The following CSMD3 variants were observed in gnomAD, a reference collection of about 807,000 sequenced individuals.
CSMD3 encodes CUB and Sushi multiple domains 3, also known as CUB and sushi domain-containing protein 3.
CSMD3 carries 177 observed loss-of-function variants against 435.2 expected under a neutral mutation model. The ratio of observed to expected loss-of-function variants is 0.41; its 90% CI spans 0.36 to 0.46. CSMD3 has a LOEUF of 0.46. CSMD3 is among the 20% of genes least tolerant of loss of function. The pLI is 0.34. For missense variants in CSMD3, 4,265 were observed against 4,504.6 expected (o/e 0.95, Z 1.52); for synonymous variants, 1,656 against 1,520.5 (o/e 1.09, Z -2.07).
At chr8:112,330,220 G>C (rs1823902036) in intron 45 of CSMD3, among the ~76,000 whole-genome samples, 1 of 152,022 alleles carries the variant, frequency 6.6e-6, no homozygotes, top group African/African-American at 2.4e-5. Flanking sequence ...TGTAAAAGTA[G>C]CATAACCGTA....
intron 13 of CSMD3, among the ~76,000 whole-genome samples, chr8:112,723,207 T>C (rs2076897779): frequency 6.6e-6 from 1 of 152,300 alleles, no homozygotes. Flanking sequence ...CCAATGTTGA[T>C]ATTATAGATT....
intron 27 of CSMD3, among the ~76,000 whole-genome samples, chr8:112,517,561 G>A (rs1460107376): frequency 1.3e-5 from 2 of 150,826 alleles, no homozygotes; most frequent in Non-Finnish European, 3.0e-5. Context: ...AACAACTCTC[G>A]AAACTCAAAA....
At chr8:113,167,314 A>T (rs1040154450) in intron 4 of CSMD3, among the ~76,000 whole-genome samples, 1 of 152,210 alleles carries the variant, frequency 6.6e-6, no homozygotes, top group Non-Finnish European at 1.5e-5. Context: ...TGTGTTAAGC[A>T]TTAAATAAAT....
In CSMD3 at chr8:113,299,043, C is replaced by A. The variant is rs373723001; in HGVS notation, c.401+15528G>T. On this transcript the variant is annotated intron_variant, in intron 2 of 70. Transcript: ENST00000297405. ...TGTATTTCTTCTGGTAAAGAACTCACATGTCCCTCTGGCTCACAAGTGCAT... is the reference window on the plus strand; with the variant it reads ...TGTATTTCTTCTGGTAAAGAACTCAAATGTCCCTCTGGCTCACAAGTGCAT... Among the ~76,000 whole-genome samples the A allele has an allele frequency of 3.3e-5, 5 of 152,098 alleles. No individual in the cohort carries two copies. The East Asian group carries it at 7.7e-4, about 23-fold the overall frequency.
In CSMD3 at chr8:112,406,456, T is replaced by C. The variant is rs143404054; in HGVS notation, c.5809+68A>G. The C allele has an allele frequency of 2.1e-3, 2,048 of 984,604 alleles. 29 individuals are homozygous for C. In the African/African-American group the frequency reaches 0.029, roughly 14 times the overall value. The allele number at this position is 984,604 out of a possible 1,614,324, so 61.0% of individuals were successfully genotyped here. On this transcript the variant is annotated intron_variant, in intron 35 of 70. Coordinates refer to ENST00000297405, the MANE Select transcript of CSMD3 (RefSeq NM_198123.2). ...ATTATTAGATCTGAAATTTAAAAAA[T>C]TGAAAGATGTAACCAATTTTTATAT...
intron 4 of CSMD3, among the ~76,000 whole-genome samples, chr8:113,142,999 A>T (rs939232718): frequency 1.3e-4 from 20 of 151,076 alleles, no homozygotes; most frequent in Non-Finnish European, 2.7e-4. Flanking sequence ...TCACTGACAA[A>T]TGCAAAATAT....
At chr8:113,276,676 G>A (rs913190598) in intron 3 of CSMD3, among the ~76,000 whole-genome samples, 11 of 151,922 alleles carry the variant, frequency 7.2e-5, no homozygotes, top group African/African-American at 2.7e-4. Flanking sequence ...AAGAACACCA[G>A]GACTTTTAAC....
intron 32 of CSMD3, among the ~76,000 whole-genome samples, chr8:112,432,196 A>G (rs1227005592): frequency 6.6e-6 from 1 of 152,178 alleles, no homozygotes; most frequent in Non-Finnish European, 1.5e-5. Flanking sequence ...TTTTCCTGTA[A>G]TGCAAGAGTT....
intron 27 of CSMD3, among the ~76,000 whole-genome samples, chr8:112,533,637 C>G (rs1327931665): frequency 6.6e-6 from 1 of 151,822 alleles, no homozygotes; most frequent in African/African-American, 2.4e-5. Context: ...ATTAATACAG[C>G]TAAAGGGAGA....
chr8:112,990,323 C>T (rs1341633766), intron 6 of CSMD3, among the ~76,000 whole-genome samples: 3 of 151,914 alleles, frequency 2.0e-5, no homozygotes, highest in African/African-American at 7.2e-5. Flanking sequence ...TGTAACTACA[C>T]ATGCGAGCAA....
rs532551347 is a variant in CSMD3, at chr8:112,950,716, T to C, written c.1421-2839A>G. 7.9e-4 allele frequency among the ~76,000 whole-genome samples: 120 copies of C among 151,998 alleles called. 1 individual carries two copies. Among genetic ancestry groups the C allele is most frequent in the African/African-American group, 2.8e-3 (115 of 41,510 alleles). On this transcript the variant is annotated intron_variant, in intron 8 of 70. Transcript: ENST00000297405. Reference sequence around the variant, plus strand: ...GAGAGGTTAAGAAATGTGTCCAAAGTCATACTGCTAGTTAATGGGAATCTA... The same window carrying C: ...GAGAGGTTAAGAAATGTGTCCAAAGCCATACTGCTAGTTAATGGGAATCTA...
chr8:112,954,842 T>C (rs990847761), intron 7 of CSMD3, 81 bp from the exon 8 acceptor site: 31 of 861,054 alleles, frequency 3.6e-5, no homozygotes, highest in Non-Finnish European at 5.0e-5. Flanking sequence ...TTTGTTAGCA[T>C]GGACTTATGC....
chr8:112,381,352 T>C (rs1286720684), intron 37 of CSMD3, among the ~76,000 whole-genome samples: 1 of 152,220 alleles, frequency 6.6e-6, no homozygotes, highest in Non-Finnish European at 1.5e-5. Context: ...GTTATTGAGC[T>C]TGAAAATATA....
At chr8:112,736,102 C>A (rs776971611) in intron 13 of CSMD3, among the ~76,000 whole-genome samples, 2 of 152,030 alleles carry the variant, frequency 1.3e-5, no homozygotes, top group Admixed American at 6.6e-5. Flanking sequence ...ATATTTGGCA[C>A]GTAAGTATAA....
intron 20 of CSMD3, among the ~76,000 whole-genome samples, chr8:112,642,504 TTATTA>T (rs1453539131): frequency 6.6e-6 from 1 of 152,160 alleles, no homozygotes; most frequent in Admixed American, 6.5e-5. Context: ...CATATACATT[TTATTA>T]TTTCTTAAAT....
intron 1 of CSMD3, among the ~76,000 whole-genome samples, chr8:113,422,364 G>A (rs1384671179): frequency 1.3e-5 from 2 of 152,132 alleles, no homozygotes; most frequent in African/African-American, 2.4e-5. Context: ...CAAATCTGCC[G>A]CTTTTATCTC....
chr8:113,305,319 T>TA (rs1278022624), intron 2 of CSMD3, among the ~76,000 whole-genome samples: 1 of 152,032 alleles, frequency 6.6e-6, no homozygotes, highest in African/African-American at 2.4e-5. Context: ...AATAAATTTT[T>TA]AAAAAAAGAG....
chr8:112,698,516 G>A (rs1028434228), intron 13 of CSMD3, among the ~76,000 whole-genome samples: 12 of 152,138 alleles, frequency 7.9e-5, no homozygotes, highest in African/African-American at 2.6e-4. Context: ...TGATTTTAGG[G>A]GATGGACAAG....
chr8:112,565,171 T>C (rs893875785), intron 24 of CSMD3, among the ~76,000 whole-genome samples: 2 of 152,076 alleles, frequency 1.3e-5, no homozygotes, highest in Non-Finnish European at 2.9e-5. Flanking sequence ...CATTGATCAA[T>C]ACCTCCCTTA....
Sources: gnomAD v4.1 joint callset for allele counts (sites outside exome capture counted in the v4.1 genomes callset) on GRCh38, gnomAD v4.1.1 for gene constraint, MANE v1.5 for transcripts, NCBI Gene and HGNC (gene_info 2026-07-23, HGNC 2026-07-21) for gene names.